MAP1A: variants seen among roughly 807,000 people sequenced by gnomAD.
MAP1A encodes microtubule associated protein 1A.
Under a neutral mutation model 185.9 loss-of-function variants are expected in MAP1A, and 42 were observed. The observed-to-expected ratio is 0.23, with a 90% CI of 0.18 to 0.29. MAP1A has a LOEUF of 0.29. Ranked by LOEUF, MAP1A falls within the 10% of genes least tolerant of loss-of-function variation. MAP1A has a pLI of 1.00. For synonymous variants in MAP1A, 1,229 were observed against 1,335.9 expected (o/e 0.92, Z 1.74); for missense variants, 2,995 against 3,450.4 (o/e 0.87, Z 3.31).
rs929238051 is a variant in MAP1A, at chr15:43,531,447, C to T, written c.*1223C>T. ...GCTGGTAGTCATGTGGGCTTGCCTT[C>T]TCTGCCAAACGACTGGGAAACCAAA... On this transcript the variant is annotated 3_prime_UTR_variant, in exon 6 of 6. Coordinates refer to ENST00000300231, the MANE Select transcript of MAP1A (RefSeq NM_002373.6). 4 of 152,736 alleles carry T rather than the reference C, an allele frequency of 2.6e-5. No homozygotes were observed. The highest frequency in any genetic ancestry group is 5.9e-5 in the Non-Finnish European group (4 of 68,090). 9.5% of individuals were successfully genotyped at this position (152,736 alleles called of 1,614,324 possible). A position where few individuals can be genotyped will look rare whatever the true frequency, so the allele number is the denominator to read the frequency against.
Position 43,527,667 on chromosome 15 carries a change from G to T in MAP1A, c.6194G>T (p.Arg2065Leu), listed in dbSNP as rs765893818. 1 of 1,583,740 alleles carries T rather than the reference G, an allele frequency of 6.3e-7. No individual in the cohort carries two copies. Among genetic ancestry groups the T allele is most frequent in the Admixed American group, 1.8e-5 (1 of 56,130 alleles). The change falls in exon 4 of 6, where the codon CGT (arginine) becomes CTT (leucine). Residue 2065 changes from arginine (R) to leucine (L), a missense_variant. By Grantham distance (102) the Arg-to-Leu change is moderately radical (BLOSUM62 -2). This residue lies in a region of MAP1A where 2,728 missense variants were observed against 2,986.0 expected (regional missense o/e 0.91). Coordinates refer to ENST00000300231, the MANE Select transcript of MAP1A (RefSeq NM_002373.6). ...CTCACCCCACCTGCAGTTCCCCCCC[G>T]TGCTCCTATCCTGAGCAAAGGCCCA... Reference protein sequence around the residue: ...PSLTPPAVPPRAPILSKGPSP... With the variant: ...PSLTPPAVPPLAPILSKGPSP...
Position 43,529,334 on chromosome 15 carries a change from C to T in MAP1A, c.7861C>T (p.Arg2621Cys), listed in dbSNP as rs372251316. Residue 2621 changes from arginine (R) to cysteine (C), a missense_variant, in exon 4 of 6, where the codon CGT (arginine) becomes TGT (cysteine). This residue lies in a region of MAP1A where 2,728 missense variants were observed against 2,986.0 expected (regional missense o/e 0.91). Transcript: ENST00000300231. This position sits in a 1 kb window ranked among gnomAD's most constrained non-coding sequence, Gnocchi z 4.3. ...GKAKPASPAR[R>C]LDLRGKRSPT... is the part of the protein sequence containing the mutation. ...GGCCAAGCCAGCGTCCCCTGCACGG[C>T]GTCTGGATCTTCGGGGAAAACGCTC... 4.3e-5 allele frequency: 70 copies of T among 1,613,892 alleles called. No individual in the cohort carries two copies. Among genetic ancestry groups the T allele is most frequent in the Non-Finnish European group, 5.3e-5 (62 of 1,180,026 alleles).
chr15:43,529,051 A>T lies in MAP1A; in HGVS notation c.7578A>T (p.Thr2526=), dbSNP rs765112889. The T allele has an allele frequency of 1.2e-6, 2 of 1,613,876 alleles. No individual in the cohort carries two copies. The highest frequency in any genetic ancestry group is 3.3e-5 in the Admixed American group (2 of 60,018). ...AAACTGAGGAGTGTCCGTCCATCACAGCTGAGGCAGCCCTCGACTCAGATG... is the reference window on the plus strand; with the variant it reads ...AAACTGAGGAGTGTCCGTCCATCACTGCTGAGGCAGCCCTCGACTCAGATG... The part of the protein sequence containing the change: ...PPETEECPSI[T]AEAALDSDED... The change falls in exon 4 of 6, where the codon ACA becomes ACT. Residue 2526 remains threonine (T), a synonymous_variant. Coordinates refer to ENST00000300231, the MANE Select transcript of MAP1A (RefSeq NM_002373.6). The surrounding 1 kb of genome is among the most constrained non-coding windows in gnomAD (Gnocchi z 4.3).
Position 43,525,263 on chromosome 15 carries a change from T to A in MAP1A, c.3790T>A (p.Ser1264Thr). 6.2e-7 allele frequency: 1 copy of A among 1,614,126 alleles called. No individual in the cohort carries two copies. Among genetic ancestry groups the A allele is most frequent in the Non-Finnish European group, 8.5e-7 (1 of 1,180,020 alleles). ...SVPEPHAATA[S>T]PPTDGTTRYS... The stretch of plus-strand genomic sequence containing the variant: ...TCCAGAGCCCCATGCAGCCACAGCG[T>A]CACCTCCCACAGATGGGACAACTCG... The change falls in exon 4 of 6, where the codon TCA (serine) becomes ACA (threonine). Residue 1264 changes from serine (S) to threonine (T), a missense_variant. This residue lies in a region of MAP1A where 2,728 missense variants were observed against 2,986.0 expected (regional missense o/e 0.91). Coordinates refer to ENST00000300231, the MANE Select transcript of MAP1A (RefSeq NM_002373.6).
At chr15:43,519,877 G>T (rs1202273550) in intron 1 of MAP1A, among the ~76,000 whole-genome samples, 2 of 152,230 alleles carry the variant, frequency 1.3e-5, no homozygotes, top group Non-Finnish European at 2.9e-5. Context: ...CAATGAATAG[G>T]TTGTGGGGTA....
rs771734649 is a variant in MAP1A, at chr15:43,528,764, G to A, written c.7291G>A (p.Glu2431Lys). The part of the protein sequence containing the change: ...GPPSSASPEV[E>K]AGPQGCATEP... ...ACCCAGCAGTGCCTCTCCTGAGGTC[G>A]AAGCTGGGCCCCAGGGATGTGCCAC... Residue 2431 changes from glutamate to lysine, a missense_variant, in exon 4 of 6, where the codon GAA (glutamate) becomes AAA (lysine). Coordinates refer to ENST00000300231, the MANE Select transcript of MAP1A (RefSeq NM_002373.6). The A allele has an allele frequency of 9.9e-6, 16 of 1,613,274 alleles. No homozygotes were observed. Among genetic ancestry groups the A allele is most frequent in the South Asian group, 9.9e-5 (9 of 91,044 alleles).
At position 43,525,982 on chromosome 15, in the gene MAP1A, C is replaced by G; in HGVS notation, c.4509C>G (p.Val1503=). The G allele has an allele frequency of 6.2e-7, 1 of 1,614,010 alleles. No individual in the cohort carries two copies. Among genetic ancestry groups the G allele is most frequent in the Non-Finnish European group, 8.5e-7 (1 of 1,180,010 alleles). ...EEKDKALDQK[V]RSVEHKAPED... ...AAGACAAAGCCTTAGATCAAAAAGT[C>G]AGAAGTGTTGAACATAAGGCTCCGG... Residue 1503 remains valine (V), a synonymous_variant, in exon 4 of 6, where the codon GTC becomes GTG. Coordinates refer to ENST00000300231, the MANE Select transcript of MAP1A (RefSeq NM_002373.6).
Position 43,523,911 on chromosome 15 carries a change from C to T in MAP1A, c.2438C>T (p.Thr813Ile). Residue 813 changes from threonine to isoleucine, a missense_variant, in exon 4 of 6, where the codon ACT becomes ATT. This residue lies in a region of MAP1A where 2,728 missense variants were observed against 2,986.0 expected (regional missense o/e 0.91). Transcript: ENST00000300231. ...CCAGAGACTGAACTCACCTACCCCA[C>T]TAACATAGTGGCTGCCCCTTTGGCT... ...GTPETELTYP[T>I]NIVAAPLAEE... 5 of 1,614,218 alleles carry T rather than the reference C, an allele frequency of 3.1e-6. No homozygotes were observed. Among genetic ancestry groups the T allele is most frequent in the Middle Eastern group, 3.3e-4 (2 of 6,062 alleles).
upstream of MAP1A, among the ~76,000 whole-genome samples, chr15:43,514,414 C>G (rs902538785): frequency 1.3e-5 from 2 of 152,206 alleles, no homozygotes; most frequent in African/African-American, 4.8e-5. Context: ...CTCCAGCCTT[C>G]TGTTAGTGAG....
Position 43,523,037 on chromosome 15 carries a change from G to A in MAP1A, c.1564G>A (p.Glu522Lys). The change falls in exon 4 of 6, where the codon GAG becomes AAG. Residue 522 changes from glutamate (E) to lysine (K), a missense_variant. By Grantham distance (56) the Glu-to-Lys change is moderately conservative. Around this residue, in one of 3 missense-constraint regions of MAP1A, gnomAD observed 2,728 missense variants for 2,986.0 expected, o/e 0.91. Coordinates refer to ENST00000300231, the MANE Select transcript of MAP1A (RefSeq NM_002373.6). ...ACTCCCAACCATCAGTGGGCACAGG[G>A]AGCTGGTCCTATCCTCACCAGAGGA... ...VPLPTISGHR[E>K]LVLSSPEDLT... is the part of the protein sequence containing the mutation. 6.2e-7 allele frequency: 1 copy of A among 1,614,178 alleles called. No individual in the cohort carries two copies. The highest frequency in any genetic ancestry group is 2.2e-5 in the East Asian group (1 of 44,884).
chr15:43,526,467 AAG>A lies in MAP1A; in HGVS notation c.4997_4998del (p.Glu1666AlafsTer11). 6.2e-7 allele frequency: 1 copy of A among 1,614,148 alleles called. No individual in the cohort carries two copies. ...AGAGAGGAGCCGGCTGGAGAACAGA[AAG>A]AGCTTGCCCCGGCATGGGAGGACAC... On this transcript the variant is annotated frameshift_variant, in exon 4 of 6. Transcript: ENST00000300231. LOFTEE classifies it high-confidence loss of function. This position sits in a 1 kb window ranked among gnomAD's most constrained non-coding sequence, Gnocchi z 4.7.
rs1566978736 is a variant in MAP1A, at chr15:43,526,882, T to A, written c.5409T>A (p.Pro1803=). ...FEIISPPASP[P]EMVGQRVPSA... ...TCATCTCCCCTCCAGCTTCCCCACC[T>A]GAGATGGTTGGACAAAGGGTTCCTT... The change falls in exon 4 of 6, where the codon CCT becomes CCA. Residue 1803 remains proline, a synonymous_variant. Transcript: ENST00000300231. This position sits in a 1 kb window ranked among gnomAD's most constrained non-coding sequence, Gnocchi z 4.7. 2 of 1,613,048 alleles carry A rather than the reference T, an allele frequency of 1.2e-6. No homozygotes were observed. The highest frequency in any genetic ancestry group is 1.7e-6 in the Non-Finnish European group (2 of 1,179,062).
rs2079336172 is a variant in MAP1A at position 43,524,921 on chromosome 15, G to A, written c.3448G>A (p.Ala1150Thr). Residue 1150 changes from alanine to threonine, a missense_variant, in exon 4 of 6, where the codon GCA (alanine) becomes ACA (threonine). Ala to Thr is a moderately conservative substitution (Grantham distance 58, BLOSUM62 0). This residue lies in a region of MAP1A where 2,728 missense variants were observed against 2,986.0 expected (regional missense o/e 0.91). Coordinates refer to ENST00000300231, the MANE Select transcript of MAP1A (RefSeq NM_002373.6). ...YPDRSLSPED[A>T]ESLSVLSVPS... The stretch of plus-strand genomic sequence containing the variant: ...TGACCGAAGCCTCTCTCCTGAAGAT[G>A]CAGAATCCCTCTCTGTCCTCAGCGT... 1 of 1,614,128 alleles carries A rather than the reference G, an allele frequency of 6.2e-7. No individual in the cohort carries two copies.
At position 43,529,857 on chromosome 15, in the gene MAP1A, G is replaced by A. The variant is rs1422554867; in HGVS notation, c.8243G>A (p.Gly2748Glu). 6.2e-7 allele frequency: 1 copy of A among 1,613,464 alleles called. No individual in the cohort carries two copies. The highest frequency in any genetic ancestry group is 1.7e-5 in the Admixed American group (1 of 60,020). The change falls in exon 5 of 6, where the codon GGG (glycine) becomes GAG (glutamate). Residue 2748 changes from glycine to glutamate, a missense_variant. Physicochemically the swap from Gly to Glu is moderately conservative, Grantham distance 98 (BLOSUM62 -2). Coordinates refer to ENST00000300231, the MANE Select transcript of MAP1A (RefSeq NM_002373.6). This position sits in a 1 kb window ranked among gnomAD's most constrained non-coding sequence, Gnocchi z 4.3. ...CTGCTGGAGGGCAAGGCCCAGTGGG[G>A]GGAGAATCTTCAGGTGAGTAGCAAA... ...DALLEGKAQW[G>E]ENLQVTLIPT...
At position 43,523,741 on chromosome 15, in the gene MAP1A, T is replaced by C; in HGVS notation, c.2268T>C (p.His756=). 1.2e-6 allele frequency: 2 copies of C among 1,614,054 alleles called. No homozygotes were observed. The highest frequency in any genetic ancestry group is 1.7e-6 in the Non-Finnish European group (2 of 1,179,986). Residue 756 remains histidine (H), a synonymous_variant, in exon 4 of 6, where the codon CAT becomes CAC. Transcript: ENST00000300231. ...TEQTISDEEI[H]DEPEERPAPP... is the part of the protein sequence containing the mutation. Reference sequence around the variant, plus strand: ...AGACCATCTCAGATGAGGAGATCCATGATGAGCCGGAGGAGCGCCCAGCTC... The same window carrying C: ...AGACCATCTCAGATGAGGAGATCCACGATGAGCCGGAGGAGCGCCCAGCTC...
Position 43,526,789 on chromosome 15 carries a change from G to C in MAP1A, c.5316G>C (p.Trp1772Cys). The part of the protein sequence containing the change: ...SPQKGLEVER[W>C]LAESPVGLPP... ...AGAAGGGGCTAGAGGTGGAGCGCTG[G>C]CTTGCTGAATCACCAGTTGGGTTGC... Residue 1772 changes from tryptophan (W) to cysteine (C), a missense_variant, in exon 4 of 6, where the codon TGG becomes TGC. Transcript: ENST00000300231. This position sits in a 1 kb window ranked among gnomAD's most constrained non-coding sequence, Gnocchi z 4.7. 6.2e-7 allele frequency: 1 copy of C among 1,614,126 alleles called. No homozygotes were observed. The highest frequency in any genetic ancestry group is 1.1e-5 in the South Asian group (1 of 91,082).
rs1359349999 is a variant in MAP1A, at chr15:43,529,690, T to C, written c.8076T>C (p.Tyr2692=). 1.2e-6 allele frequency: 2 copies of C among 1,614,072 alleles called. No individual in the cohort carries two copies. Among genetic ancestry groups the C allele is most frequent in the Non-Finnish European group, 1.7e-6 (2 of 1,180,028 alleles). ...SSKGSSGAPV[Y]VDLAYIPNHC... ...AGGGCAGCTCTGGTGCCCCTGTATA[T>C]GTGGATCTCGCCTACATCCCGAATC... The change falls in exon 5 of 6, where the codon TAT becomes TAC. Residue 2692 remains tyrosine, a synonymous_variant. Transcript: ENST00000300231. This position sits in a 1 kb window ranked among gnomAD's most constrained non-coding sequence, Gnocchi z 4.3.
In MAP1A at chr15:43,528,025, T is replaced by C. The variant is rs1161091654; in HGVS notation, c.6552T>C (p.Ala2184=). ...QPAPPQLPSP[A]EPRSAPCGSL... ...CTCCCCCACAGCTGCCCTCTCCAGCTGAACCCCGCTCGGCACCCTGTGGCT... is the reference window on the plus strand; with the variant it reads ...CTCCCCCACAGCTGCCCTCTCCAGCCGAACCCCGCTCGGCACCCTGTGGCT... The change falls in exon 4 of 6, where the codon GCT becomes GCC. Residue 2184 remains alanine (A), a synonymous_variant. Transcript: ENST00000300231. 6.2e-7 allele frequency: 1 copy of C among 1,613,876 alleles called. No homozygotes were observed. Among genetic ancestry groups the C allele is most frequent in the Non-Finnish European group, 8.5e-7 (1 of 1,180,024 alleles).
upstream of MAP1A, among the ~76,000 whole-genome samples, chr15:43,516,258 CG>C (rs1399823552): frequency 6.6e-6 from 1 of 152,142 alleles, no homozygotes; most frequent in Non-Finnish European, 1.5e-5. Flanking sequence ...TTTGCATCCC[CG>C]GATCTAAGCA....
Sources: gnomAD v4.1 joint callset for allele counts (sites outside exome capture counted in the v4.1 genomes callset) on GRCh38, gnomAD v4.1.1 for gene constraint, gnomAD v4.1.1 regional missense constraint, Gnocchi (gnomAD v3.1) non-coding constraint, MANE v1.5 for transcripts, NCBI Gene and HGNC (gene_info 2026-07-23, HGNC 2026-07-21) for gene names.